The following GALNT17 variants were observed in gnomAD, a reference collection of about 807,000 sequenced individuals.
GALNT17 encodes polypeptide N-acetylgalactosaminyltransferase 17.
A neutral mutation model predicts 63.7 loss-of-function variants in GALNT17; 29 were observed. The observed-to-expected ratio is 0.46, with a 90% confidence interval of 0.34 to 0.62. The LOEUF is 0.62. Among genes scored for constraint, GALNT17 ranks in the 20% least tolerant of loss-of-function variants. The probability of loss-of-function intolerance (pLI) is 0.01; values close to 1 mark genes in which losing one functional copy is unlikely to be tolerated. For synonymous variants in GALNT17, 305 were observed against 318.3 expected, an observed-to-expected ratio of 0.96 and a Z score of 0.45; for missense variants, 603 against 799.6, an observed-to-expected ratio of 0.75 and a Z score of 2.97.
Position 71,377,105 on chromosome 7 carries a change from A to T in GALNT17, c.423-11130A>T, listed in dbSNP as rs1441036761. ...CATCTCAAAAAAAAAAAAAAATAAAAATAAAAAAAATATATATATATATAT... is the reference window on the plus strand; with the variant it reads ...CATCTCAAAAAAAAAAAAAAATAAATATAAAAAAAATATATATATATATAT... On this transcript the variant is annotated intron_variant, in intron 2 of 10. Coordinates refer to ENST00000333538, the MANE Select transcript of GALNT17 (RefSeq NM_022479.3). 2.2e-3 allele frequency among the ~76,000 whole-genome samples: 140 copies of T among 64,642 alleles called. 6 individuals are homozygous for T. The highest frequency in any genetic ancestry group is 5.4e-3 in the African/African-American group (66 of 12,322). The allele number at this position is 64,642 out of a possible 152,430, so 42.4% of individuals were successfully genotyped here. A position where few individuals can be genotyped will look rare whatever the true frequency, so the allele number is the denominator to read the frequency against.
chr7:71,676,907 C>T lies in GALNT17; in HGVS notation c.1405-304C>T, dbSNP rs181287476. ...TTTAGAAGTCTAAGATCGGGGTAAC[C>T]AGTGCTCCTGTATGCAGAAGTTCCC... On this transcript the variant is annotated intron_variant, in intron 8 of 10. Coordinates refer to ENST00000333538, the MANE Select transcript of GALNT17 (RefSeq NM_022479.3). Among the ~76,000 whole-genome samples, 13 of 152,224 alleles carry T rather than the reference C, an allele frequency of 8.5e-5. No homozygotes were observed. The East Asian group carries it at 2.5e-3, about 29-fold the overall frequency.
At chr7:71,176,316 G>A (rs368063484) in intron 1 of GALNT17, among the ~76,000 whole-genome samples, 2 of 152,108 alleles carry the variant, frequency 1.3e-5, no homozygotes, top group African/African-American at 4.8e-5. Context: ...TCCTCTTGAC[G>A]GGGTGTGGCA....
chr7:71,418,460 T>A lies in GALNT17; in HGVS notation c.764+2397T>A, dbSNP rs563873167. Among the ~76,000 whole-genome samples, 198 of 152,320 alleles carry A rather than the reference T, an allele frequency of 1.3e-3. 1 individual carries two copies. Among genetic ancestry groups the A allele is most frequent in the Middle Eastern group, 3.4e-3 (1 of 294 alleles). On this transcript the variant is annotated intron_variant, in intron 4 of 10. Coordinates refer to ENST00000333538, the MANE Select transcript of GALNT17 (RefSeq NM_022479.3). ...CTGCATGGCACGTCAGCTGCGGTTG[T>A]CTGGCTGTGGCTGTGCTTGATTTCT... is the stretch of plus-strand genomic sequence containing the variant.
chr7:71,650,985 A>G (rs970567350), intron 6 of GALNT17, among the ~76,000 whole-genome samples: 1 of 152,146 alleles, frequency 6.6e-6, no homozygotes, highest in Non-Finnish European at 1.5e-5. Flanking sequence ...GGATTGAATA[A>G]CTAAGGAAGG....
chr7:71,142,122 A>G (rs1205538702), intron 1 of GALNT17, among the ~76,000 whole-genome samples: 2 of 151,802 alleles, frequency 1.3e-5, no homozygotes, highest in African/African-American at 2.4e-5. Flanking sequence ...CTCTTGCCTC[A>G]GCCTCCCAGA....
At chr7:71,484,858 G>C (rs1787883965) in intron 5 of GALNT17, among the ~76,000 whole-genome samples, 1 of 133,382 alleles carries the variant, frequency 7.5e-6, no homozygotes, top group Admixed American at 8.8e-5. Flanking sequence ...GAGTGCAATG[G>C]TGCAATCTCG....
intron 5 of GALNT17, among the ~76,000 whole-genome samples, chr7:71,426,023 A>C (rs1284655982): frequency 6.6e-6 from 1 of 152,076 alleles, no homozygotes; most frequent in Non-Finnish European, 1.5e-5. Flanking sequence ...AAACAACCAG[A>C]TCTCTTGAGA....
At chr7:71,500,175 C>G (rs575752227) in intron 5 of GALNT17, among the ~76,000 whole-genome samples, 1 of 152,160 alleles carries the variant, frequency 6.6e-6, no homozygotes, top group African/African-American at 2.4e-5. Flanking sequence ...CTATAAATTT[C>G]CTAGAGCAAT....
chr7:71,479,739 A>G (rs7805130), intron 5 of GALNT17, among the ~76,000 whole-genome samples: 39,986 of 152,052 alleles, frequency 0.26, 7,170 homozygotes, highest in East Asian at 0.55. Flanking sequence ...GCATTTGAAC[A>G]GGCCGGGTCT....
intron 1 of GALNT17, among the ~76,000 whole-genome samples, chr7:71,196,111 G>C (rs1789043927): frequency 1.3e-5 from 2 of 151,846 alleles, no homozygotes; most frequent in African/African-American, 4.8e-5. Context: ...TCCCTCTCTT[G>C]CTGCTTTTTA....
intron 1 of GALNT17, among the ~76,000 whole-genome samples, chr7:71,168,071 C>T (rs974672205): frequency 7.2e-5 from 11 of 152,132 alleles, no homozygotes; most frequent in African/African-American, 9.7e-5. Context: ...TAAGTTTTTA[C>T]ATATAGATAT....
At chr7:71,537,238 G>T (rs1788816093) in intron 5 of GALNT17, among the ~76,000 whole-genome samples, 1 of 152,156 alleles carries the variant, frequency 6.6e-6, no homozygotes, top group Non-Finnish European at 1.5e-5. Context: ...AGCCAACCAT[G>T]AAATGTTTAA....
chr7:71,201,665 T>C (rs1443968643), intron 1 of GALNT17, among the ~76,000 whole-genome samples: 1 of 151,236 alleles, frequency 6.6e-6, no homozygotes, highest in African/African-American at 2.4e-5. Flanking sequence ...GGAGTCTCGC[T>C]CTGTCACCAG....
At chr7:71,416,816 TG>T (rs1786542413) in intron 4 of GALNT17, among the ~76,000 whole-genome samples, 1 of 152,142 alleles carries the variant, frequency 6.6e-6, no homozygotes, top group South Asian at 2.1e-4. Flanking sequence ...CCAGAATGTA[TG>T]GGATTATCTT....
intron 1 of GALNT17, among the ~76,000 whole-genome samples, chr7:71,201,122 A>G (rs1211571553): frequency 6.6e-6 from 1 of 151,326 alleles, no homozygotes; most frequent in African/African-American, 2.4e-5. Context: ...TTAATTACTG[A>G]CATCATTAAA....
At position 71,266,438 on chromosome 7, in the gene GALNT17, C is replaced by T. The variant is rs1035509677; in HGVS notation, c.239-69112C>T. 1.3e-5 allele frequency among the ~76,000 whole-genome samples: 2 copies of T among 152,274 alleles called. 1 individual carries two copies. Among genetic ancestry groups the T allele is most frequent in the South Asian group, 4.1e-4 (2 of 4,824 alleles). On this transcript the variant is annotated intron_variant, in intron 1 of 10. Coordinates refer to ENST00000333538, the MANE Select transcript of GALNT17 (RefSeq NM_022479.3). The stretch of plus-strand genomic sequence containing the variant: ...CCCACTTTGCTTTCTCTATCTCTCT[C>T]CTGCTCTGCCATGGTAAGGCGTGCT...
At chr7:71,444,741 T>C (rs6460654) in intron 5 of GALNT17, among the ~76,000 whole-genome samples, 145,258 of 152,250 alleles carry the variant, frequency 0.95, 69,299 homozygotes, top group Admixed American at 0.96. Flanking sequence ...GCAAGAGAAT[T>C]ACTTGAATCC....
intron 1 of GALNT17, among the ~76,000 whole-genome samples, chr7:71,180,015 A>T (rs1360764758): frequency 6.6e-6 from 1 of 152,222 alleles, no homozygotes; most frequent in Non-Finnish European, 1.5e-5. Context: ...AGCTTTATTG[A>T]GGTATAATTG....
intron 2 of GALNT17, among the ~76,000 whole-genome samples, chr7:71,345,122 T>A (rs530184331): frequency 2.7e-3 from 404 of 149,104 alleles, no homozygotes; most frequent in Non-Finnish European, 4.3e-3. Context: ...AAGCCCCCAC[T>A]GTTTTTTTTT....
Sources: allele counts gnomAD v4.1 joint callset (sites outside exome capture counted in the v4.1 genomes callset), GRCh38; gene constraint gnomAD v4.1.1; transcripts MANE v1.5; gene names NCBI Gene and HGNC (gene_info 2026-07-23, HGNC 2026-07-21).